PICALM: variants seen among roughly 807,000 people sequenced by gnomAD.
PICALM encodes the protein phosphatidylinositol binding clathrin assembly protein.
Under a neutral mutation model 80.5 loss-of-function variants are expected in PICALM, and 40 were observed. That is an observed-to-expected ratio of 0.50 (90% confidence interval 0.39 to 0.65). The LOEUF (loss-of-function observed/expected upper bound fraction) is 0.65, where lower values mean the gene tolerates loss of function less well. PICALM is among the 30% of genes least tolerant of loss of function. PICALM has a pLI of 0.00. For synonymous variants in PICALM, 288 were observed against 260.3 expected (o/e 1.11, Z -1.02); for missense variants, 676 against 778.9 (o/e 0.87, Z 1.57).
At position 86,016,986 on chromosome 11, in the gene PICALM, C is replaced by G. The variant is rs184248997; in HGVS notation, c.453-2023G>C. 2.6e-5 allele frequency among the ~76,000 whole-genome samples: 4 copies of G among 152,252 alleles called. No homozygotes were observed. The South Asian group carries it at 8.3e-4, about 32-fold the overall frequency. On this transcript the variant is annotated intron_variant, in intron 4 of 19. Coordinates refer to ENST00000393346, the MANE Select transcript of PICALM (RefSeq NM_007166.4). ...CTTGTAATCCCAGCACTTTGGGAGG[C>G]TGAGGGGCGAGTGGATCACGAGGTC...
intron 1 of PICALM, among the ~76,000 whole-genome samples, chr11:86,039,823 G>A (rs1369939466): frequency 4.0e-5 from 6 of 151,884 alleles, no homozygotes; most frequent in African/African-American, 1.5e-4. Flanking sequence ...CTAACACGGT[G>A]AAATCCCATC....
chr11:86,035,485 T>C (rs551928422), intron 1 of PICALM, among the ~76,000 whole-genome samples: 1 of 152,218 alleles, frequency 6.6e-6, no homozygotes, highest in Admixed American at 6.5e-5. Context: ...CAGTATTTGT[T>C]TGTTTGTTTT....
intron 19 of PICALM, among the ~76,000 whole-genome samples, chr11:85,973,337 T>C (rs1288865203): frequency 6.6e-6 from 1 of 152,306 alleles, no homozygotes; most frequent in Non-Finnish European, 1.5e-5. Context: ...CAGTCCACTA[T>C]TTCACTTTCT....
chr11:85,962,087 G>A (rs1409517884), intron 19 of PICALM, among the ~76,000 whole-genome samples: 1 of 152,104 alleles, frequency 6.6e-6, no homozygotes, highest in Non-Finnish European at 1.5e-5. Flanking sequence ...GAACAATGAT[G>A]GAATCACGCA....
At chr11:86,015,228 T>C (rs1466875722) in intron 4 of PICALM, among the ~76,000 whole-genome samples, 4 of 152,202 alleles carry the variant, frequency 2.6e-5, no homozygotes, top group African/African-American at 7.2e-5. Flanking sequence ...AAGTATACAT[T>C]ATACAGCAAG....
rs183535756 is a variant in PICALM at position 86,011,896 on chromosome 11, G to C, written c.658+385C>G. ...ACTGAGTTTCGCTCTTGTTGCCCAGGCTGGAGTACAATGGCACGATCTAGG... is the reference window on the plus strand; with the variant it reads ...ACTGAGTTTCGCTCTTGTTGCCCAGCCTGGAGTACAATGGCACGATCTAGG... On this transcript the variant is annotated intron_variant, in intron 6 of 19. Transcript: ENST00000393346. 2.7e-4 allele frequency among the ~76,000 whole-genome samples: 40 copies of C among 148,034 alleles called. No homozygotes were observed. The East Asian group carries it at 5.7e-3, about 21-fold the overall frequency.
At chr11:86,003,724 A>G (rs2136145722) in intron 8 of PICALM, 1 of 249,146 alleles carries the variant, frequency 4.0e-6, no homozygotes, top group South Asian at 1.2e-4. Flanking sequence ...GCAAGTACTT[A>G]AATTTTAAAG....
rs981557673 is a variant in PICALM at position 86,068,869 on chromosome 11, C to A, written c.-89G>T. The A allele has an allele frequency of 2.2e-5, 32 of 1,434,966 alleles. No homozygotes were observed. In the African/African-American group the frequency reaches 4.3e-4, roughly 19 times the overall value. The allele number at this position is 1,434,966 out of a possible 1,614,324, so 88.9% of individuals were successfully genotyped here. On this transcript the variant is annotated 5_prime_UTR_variant, in exon 1 of 20. Transcript: ENST00000393346. ...CGGAGGGTCCCCACCCCCCACCGCA[C>A]CCCCTACCCCCACCGGCTCCTTCCC...
chr11:86,022,640 C>A (rs549658984), intron 3 of PICALM, among the ~76,000 whole-genome samples, 171 bp from the exon 4 acceptor site: 2 of 152,054 alleles, frequency 1.3e-5, no homozygotes, highest in African/African-American at 4.8e-5. Context: ...AATAACATTA[C>A]CATTAAATTC....
At chr11:85,980,356 C>A (rs1389322412) in intron 17 of PICALM, among the ~76,000 whole-genome samples, 1 of 152,198 alleles carries the variant, frequency 6.6e-6, no homozygotes, top group African/African-American at 2.4e-5. Flanking sequence ...TTAAGCAAGT[C>A]ACTTAACACT....
chr11:86,020,946 G>C (rs1011930099), intron 4 of PICALM, among the ~76,000 whole-genome samples: 5 of 152,168 alleles, frequency 3.3e-5, no homozygotes, highest in Admixed American at 2.0e-4. Flanking sequence ...GACAAGCCAT[G>C]GGAGAAAAAT....
chr11:85,957,806 A>T lies in PICALM; in HGVS notation c.*1240T>A, dbSNP rs1281287560. The T allele has an allele frequency of 4.5e-6, 1 of 220,998 alleles. No homozygotes were observed. The highest frequency in any genetic ancestry group is 9.1e-6 in the Non-Finnish European group (1 of 110,148). 13.7% of individuals were successfully genotyped at this position (220,998 alleles called of 1,614,324 possible). A position where few individuals can be genotyped will look rare whatever the true frequency, so the allele number is the denominator to read the frequency against. Reference sequence around the variant, plus strand: ...AAGAATGCTTAAACTCATGTACAGAATTGCTTTCCTACAATGAACTGTCCT... The same window carrying T: ...AAGAATGCTTAAACTCATGTACAGATTTGCTTTCCTACAATGAACTGTCCT... On this transcript the variant is annotated 3_prime_UTR_variant, in exon 20 of 20. Coordinates refer to ENST00000393346, the MANE Select transcript of PICALM (RefSeq NM_007166.4).
chr11:86,003,449 G>A lies in PICALM; in HGVS notation c.810C>T (p.Ala270=). ...DRGDIPDLSQ[A]PSSLLDALEQ... ...CCAAAGCATCAAGAAGACTGCTAGG[G>A]GCCTGCAATTGTACAAATATTAAGA... Residue 270 remains alanine (A), a splice_region_variant and synonymous_variant, in exon 9 of 20, where the codon GCC becomes GCT. Coordinates refer to ENST00000393346, the MANE Select transcript of PICALM (RefSeq NM_007166.4). 1 of 1,564,250 alleles carries A rather than the reference G, an allele frequency of 6.4e-7. No individual in the cohort carries two copies. The highest frequency in any genetic ancestry group is 8.7e-7 in the Non-Finnish European group (1 of 1,146,348).
rs2094941105 is a variant in PICALM at position 85,995,809 on chromosome 11, T to A, written c.1258+1017A>T. ...AAGAAACTGCTTTCTTAATCTTAAT[T>A]TACTATCTATAGTTCATTCTGAAAT... On this transcript the variant is annotated intron_variant, in intron 12 of 19. Coordinates refer to ENST00000393346, the MANE Select transcript of PICALM (RefSeq NM_007166.4). 3.9e-5 allele frequency among the ~76,000 whole-genome samples: 6 copies of A among 152,152 alleles called. No individual in the cohort carries two copies. In the South Asian group the frequency reaches 1.2e-3, roughly 31 times the overall value.
Position 86,068,846 on chromosome 11 carries a change from G to A in PICALM, c.-66C>T, listed in dbSNP as rs2137970110. On this transcript the variant is annotated 5_prime_UTR_variant, in exon 1 of 20. Coordinates refer to ENST00000393346, the MANE Select transcript of PICALM (RefSeq NM_007166.4). ...CGGGGACTGGGACCCCCAAGAGCCGGAGGGTCCCCACCCCCCACCGCACCC... is the reference window on the plus strand; with the variant it reads ...CGGGGACTGGGACCCCCAAGAGCCGAAGGGTCCCCACCCCCCACCGCACCC... The A allele has an allele frequency of 2.7e-6, 4 of 1,508,580 alleles. No individual in the cohort carries two copies. The East Asian group carries it at 7.4e-5, about 28-fold the overall frequency. 93.4% of individuals were successfully genotyped at this position (1,508,580 alleles called of 1,614,324 possible).
chr11:85,986,928 CCA>C (rs1592591205), intron 13 of PICALM, among the ~76,000 whole-genome samples: 1 of 152,206 alleles, frequency 6.6e-6, no homozygotes, highest in East Asian at 1.9e-4. Flanking sequence ...CAGCACCAAT[CCA>C]CAGTTTATCA....
chr11:86,061,207 T>C (rs940787591), intron 1 of PICALM, among the ~76,000 whole-genome samples: 36 of 151,620 alleles, frequency 2.4e-4, no homozygotes, highest in African/African-American at 8.7e-4. Flanking sequence ...TAGACACCTG[T>C]AATCCCAGCT....
At chr11:85,978,231 G>T in intron 17 of PICALM, 1 of 711,658 alleles carries the variant, frequency 1.4e-6, no homozygotes. Flanking sequence ...TGTATTTCCA[G>T]TATCTAATGA....
At chr11:86,062,272 T>C (rs1285508462) in intron 1 of PICALM, among the ~76,000 whole-genome samples, 2 of 152,084 alleles carry the variant, frequency 1.3e-5, no homozygotes, top group Non-Finnish European at 2.9e-5. Flanking sequence ...ATCCCAACAC[T>C]TTGGGAGGCC....
Sources: allele counts gnomAD v4.1 joint callset (sites outside exome capture counted in the v4.1 genomes callset), GRCh38; gene constraint gnomAD v4.1.1; transcripts MANE v1.5; gene names NCBI Gene and HGNC (gene_info 2026-07-23, HGNC 2026-07-21).